Variants in TMEM132D observed in about 807,000 individuals in gnomAD.
TMEM132D encodes transmembrane protein 132D.
A neutral mutation model predicts 62.3 loss-of-function variants in TMEM132D; 21 were observed. The observed-to-expected ratio is 0.34, with a 90% confidence interval of 0.24 to 0.49. The LOEUF is 0.49. TMEM132D is among the 20% of genes least tolerant of loss of function. The pLI is 0.99. For missense variants in TMEM132D, 1,346 were observed against 1,402.8 expected, an observed-to-expected ratio of 0.96 and a Z score of 0.65; for synonymous variants, 621 against 575.6, an observed-to-expected ratio of 1.08 and a Z score of -1.13.
At chr12:129,645,734 A>T (rs1357029535) in intron 2 of TMEM132D, among the ~76,000 whole-genome samples, 2 of 152,194 alleles carry the variant, frequency 1.3e-5, no homozygotes, top group Non-Finnish European at 2.9e-5. Context: ...TGCAATAGAG[A>T]AGCCAGGCCA....
At chr12:129,107,825 T>A (rs1156483226) in intron 5 of TMEM132D, among the ~76,000 whole-genome samples, 2 of 151,204 alleles carry the variant, frequency 1.3e-5, no homozygotes, top group African/African-American at 4.9e-5. Flanking sequence ...TAGCTGGGAC[T>A]ACAGGTGTGC....
chr12:129,501,107 T>C (rs1875127487), intron 3 of TMEM132D, among the ~76,000 whole-genome samples: 1 of 152,236 alleles, frequency 6.6e-6, no homozygotes, highest in Non-Finnish European at 1.5e-5. Flanking sequence ...ACAAGATTTA[T>C]TCCCAGGCTA....
chr12:129,267,435 T>G (rs1486315036), intron 4 of TMEM132D, among the ~76,000 whole-genome samples: 3 of 152,126 alleles, frequency 2.0e-5, no homozygotes, highest in Non-Finnish European at 4.4e-5. Context: ...CCATTCACAA[T>G]TGCTTCAAAG....
intron 4 of TMEM132D, among the ~76,000 whole-genome samples, chr12:129,315,470 A>T (rs1868456529): frequency 6.6e-6 from 1 of 152,166 alleles, no homozygotes; most frequent in Non-Finnish European, 1.5e-5. Context: ...GTGTTAAACC[A>T]TCCCTGCATC....
chr12:129,537,158 T>TAAAA (rs10635477), intron 2 of TMEM132D, among the ~76,000 whole-genome samples: 30,992 of 114,148 alleles, frequency 0.27, 4,553 homozygotes, highest in East Asian at 0.44. Context: ...AAACTCTGTC[T>TAAAA]AAAAAAAAAA....
chr12:129,257,504 C>T (rs543311294), intron 4 of TMEM132D, among the ~76,000 whole-genome samples: 37 of 152,224 alleles, frequency 2.4e-4, no homozygotes, highest in Middle Eastern at 3.4e-3. Context: ...CCACTGTGCC[C>T]GGCCCATCCC....
chr12:129,333,283 CATT>C (rs1276668684), intron 4 of TMEM132D, among the ~76,000 whole-genome samples: 1 of 152,072 alleles, frequency 6.6e-6, no homozygotes, highest in Non-Finnish European at 1.5e-5. Context: ...GTTTGGCAAA[CATT>C]ATGAAAAAGG....
intron 1 of TMEM132D, chr12:129,854,909 C>CTACCAGCTGT (rs1323386558): frequency 1.3e-5 from 2 of 152,292 alleles, no homozygotes; most frequent in African/African-American, 2.4e-5. Flanking sequence ...GATGACTTTT[C>CTACCAGCTGT]AGAAGGCACC....
chr12:129,282,852 T>C (rs1017022817), intron 4 of TMEM132D, among the ~76,000 whole-genome samples: 3 of 152,166 alleles, frequency 2.0e-5, no homozygotes, highest in African/African-American at 7.2e-5. Flanking sequence ...TCAACTATGA[T>C]TGCTGGACTG....
At chr12:129,557,551 C>T (rs1054155557) in intron 2 of TMEM132D, among the ~76,000 whole-genome samples, 4 of 151,986 alleles carry the variant, frequency 2.6e-5, no homozygotes, top group Non-Finnish European at 4.4e-5. Context: ...CCTGTCTCTA[C>T]AAAAAAATCA....
intron 4 of TMEM132D, among the ~76,000 whole-genome samples, chr12:129,326,470 T>G (rs1271315057): frequency 1.3e-5 from 2 of 152,226 alleles, no homozygotes; most frequent in Admixed American, 6.5e-5. Context: ...TCAAAAGAAG[T>G]ACACTGCTTT....
intron 2 of TMEM132D, among the ~76,000 whole-genome samples, chr12:129,602,038 G>A (rs1878495627): frequency 6.6e-6 from 1 of 152,084 alleles, no homozygotes; most frequent in South Asian, 2.1e-4. Flanking sequence ...TGTTTTGAGT[G>A]GTATAATAAT....
chr12:129,219,625 C>A (rs1158632075), intron 4 of TMEM132D, among the ~76,000 whole-genome samples: 1 of 152,238 alleles, frequency 6.6e-6, no homozygotes, highest in Non-Finnish European at 1.5e-5. Flanking sequence ...AGGGGGCACA[C>A]CTGGGCCTGC....
chr12:129,563,546 C>A (rs1220943775), intron 2 of TMEM132D, among the ~76,000 whole-genome samples: 1 of 152,032 alleles, frequency 6.6e-6, no homozygotes, highest in Non-Finnish European at 1.5e-5. Flanking sequence ...AGGGAGGTGA[C>A]AAGAGAGATG....
rs1877160607 is a variant in TMEM132D at position 129,559,683 on chromosome 12, T to C, written c.969-28478A>G. 2.6e-5 allele frequency among the ~76,000 whole-genome samples: 4 copies of C among 152,190 alleles called. No homozygotes were observed. In the South Asian group the frequency reaches 8.3e-4, roughly 31 times the overall value. Reference sequence around the variant, plus strand: ...TTCTTCTTGCTTCCTGAATCAGAAGTGTTTATTAAAAGTCCTTCTACCTTG... The same window carrying C: ...TTCTTCTTGCTTCCTGAATCAGAAGCGTTTATTAAAAGTCCTTCTACCTTG... On this transcript the variant is annotated intron_variant, in intron 2 of 8. Coordinates refer to ENST00000422113, the MANE Select transcript of TMEM132D (RefSeq NM_133448.3).
At chr12:129,841,061 AAAG>A (rs1192662633) in intron 1 of TMEM132D, among the ~76,000 whole-genome samples, 2 of 152,178 alleles carry the variant, frequency 1.3e-5, no homozygotes, top group Non-Finnish European at 2.9e-5. Flanking sequence ...TAAAATGTAA[AAAG>A]AATCAAATTT....
chr12:129,238,996 G>GTT lies in TMEM132D; in HGVS notation c.1300-29335_1300-29334dup, dbSNP rs1555240386. Among the ~76,000 whole-genome samples the GTT allele has an allele frequency of 5.6e-3, 749 of 133,016 alleles. 14 individuals are homozygous for GTT. The highest frequency in any genetic ancestry group is 0.019 in the African/African-American group (682 of 35,422). The allele number at this position is 133,016 out of a possible 152,430, so 87.3% of individuals were successfully genotyped here. A position where few individuals can be genotyped will look rare whatever the true frequency, so the allele number is the denominator to read the frequency against. On this transcript the variant is annotated intron_variant, in intron 4 of 8. Coordinates refer to ENST00000422113, the MANE Select transcript of TMEM132D (RefSeq NM_133448.3). ...TCCTCATCAACATTTGTTATTTTCT[G>GTT]TTTTTTTTTTTTTTTTGGACAGTAA...
intron 5 of TMEM132D, among the ~76,000 whole-genome samples, chr12:129,124,859 A>G (rs1876169278): frequency 6.6e-6 from 1 of 152,156 alleles, no homozygotes; most frequent in South Asian, 2.1e-4. Flanking sequence ...TCATCCCCAG[A>G]ACTTTCAAGA....
chr12:129,253,552 T>G (rs1263941567), intron 4 of TMEM132D, among the ~76,000 whole-genome samples: 1 of 152,232 alleles, frequency 6.6e-6, no homozygotes, highest in African/African-American at 2.4e-5. Flanking sequence ...TGATCAACTG[T>G]GTCTGTCCAC....
Sources: gnomAD v4.1 joint callset for allele counts (sites outside exome capture counted in the v4.1 genomes callset) on GRCh38, gnomAD v4.1.1 for gene constraint, MANE v1.5 for transcripts, NCBI Gene and HGNC (gene_info 2026-07-23, HGNC 2026-07-21) for gene names.